SLC48A1: variants seen among roughly 807,000 people sequenced by gnomAD.
The protein encoded by SLC48A1 is heme transporter HRG1.
A neutral mutation model predicts 14.8 loss-of-function variants in SLC48A1; 6 were observed. The ratio of observed to expected loss-of-function variants is 0.41; its 90% confidence interval spans 0.22 to 0.80. The LOEUF (loss-of-function observed/expected upper bound fraction) is 0.80, where lower values mean the gene tolerates loss of function less well. SLC48A1 is among the 30% of genes least tolerant of loss of function. The pLI is 0.34. For missense variants in SLC48A1, 165 were observed against 204.8 expected, an observed-to-expected ratio of 0.81 and a Z score of 1.19; for synonymous variants, 89 against 90.0, an observed-to-expected ratio of 0.99 and a Z score of 0.06.
At chr12:47,760,352 A>G in exon 2 of SLC48A1, 1 of 985,488 alleles carries the variant, frequency 1.0e-6, no homozygotes, top group African/African-American at 1.7e-5. Context: ...TGGAAGAAGG[A>G]AGAGCAACCT....
chr12:47,759,385 C>G (rs1023442050), intron 1 of SLC48A1, among the ~76,000 whole-genome samples: 1 of 152,220 alleles, frequency 6.6e-6, no homozygotes, highest in Non-Finnish European at 1.5e-5. Context: ...CCCACAGTTC[C>G]GTTCCCAGAC....
chr12:47,774,281 C>T (rs894800964), intron 1 of SLC48A1, among the ~76,000 whole-genome samples: 3 of 152,248 alleles, frequency 2.0e-5, no homozygotes, highest in Non-Finnish European at 4.4e-5. Flanking sequence ...ATTATCTCTA[C>T]TTTCTAACAT....
chr12:47,767,688 C>T (rs1033403759), upstream of SLC48A1, among the ~76,000 whole-genome samples: 5 of 152,178 alleles, frequency 3.3e-5, no homozygotes, highest in African/African-American at 1.2e-4. Flanking sequence ...AGCGAGGAAT[C>T]CTCTGAGGAG....
chr12:47,757,935 C>T (rs1207077835), upstream of SLC48A1: 3 of 1,557,190 alleles, frequency 1.9e-6, no homozygotes, highest in Non-Finnish European at 2.6e-6. Flanking sequence ...AGCTTCGGGG[C>T]CGGTGCATCC....
At position 47,765,160 on chromosome 12, in the gene SLC48A1, A is replaced by G. The variant is rs528481949; in HGVS notation, c.-187+4759A>G. On this transcript the variant is annotated intron_variant, in intron 2 of 4. Coordinates refer to the SLC48A1 transcript ENST00000547002. ...AGAGGGTCTGGAGAGAGAAACAGAA[A>G]AGTGGGATCCAGAGAGAGAAACAGA... 1.9e-3 allele frequency among the ~76,000 whole-genome samples: 286 copies of G among 150,930 alleles called. 3 individuals carry two copies. Among genetic ancestry groups the G allele is most frequent in the Non-Finnish European group, 2.8e-3 (188 of 67,756 alleles).
At chr12:47,759,451 CTG>C (rs905153661) in intron 1 of SLC48A1, among the ~76,000 whole-genome samples, 5 of 63,826 alleles carry the variant, frequency 7.8e-5, no homozygotes, top group Admixed American at 2.6e-4. Flanking sequence ...GTTGAGGAAA[CTG>C]AGGCTGGAGA....
At chr12:47,758,460 AC>A, upstream of SLC48A1, 1 of 1,583,084 alleles carries the variant, frequency 6.3e-7, no homozygotes, top group Admixed American at 1.7e-5. Flanking sequence ...GCCCTGACTA[AC>A]CCTCCCTCTC....
upstream of SLC48A1, among the ~76,000 whole-genome samples, chr12:47,770,057 T>G (rs917077096): frequency 2.0e-5 from 3 of 152,216 alleles, no homozygotes; most frequent in Non-Finnish European, 2.9e-5. Context: ...CATCTGTGAG[T>G]TAGGGGCACT....
In SLC48A1 at chr12:47,781,194, A is replaced by C. The variant is rs2136875243; in HGVS notation, c.*913A>C. The C allele has an allele frequency of 3.8e-6, 1 of 262,836 alleles. No individual in the cohort carries two copies. The highest frequency in any genetic ancestry group is 1.2e-4 in the East Asian group (1 of 8,122). The allele number at this position is 262,836 out of a possible 1,614,324, so 16.3% of individuals were successfully genotyped here. On this transcript the variant is annotated 3_prime_UTR_variant, in exon 3 of 3. Coordinates refer to ENST00000442218, the MANE Select transcript of SLC48A1 (RefSeq NM_017842.3). ...ACACACACAGGCATCCATACACCCCAGAAGACTTCCCAAATGAGGCCAGAC... is the reference window on the plus strand; with the variant it reads ...ACACACACAGGCATCCATACACCCCCGAAGACTTCCCAAATGAGGCCAGAC...
rs949134320 is a variant in SLC48A1, at chr12:47,773,253, A to T, written c.-52A>T. On this transcript the variant is annotated 5_prime_UTR_variant, in exon 1 of 3. Coordinates refer to ENST00000442218, the MANE Select transcript of SLC48A1 (RefSeq NM_017842.3). The stretch of plus-strand genomic sequence containing the variant: ...TCCGGCTGGCGGCTTCGGGCCCTGC[A>T]CCTGTGACTCTCGGCCGCGCTCGCC... 7.9e-7 allele frequency: 1 copy of T among 1,273,232 alleles called. No individual in the cohort carries two copies. The allele number at this position is 1,273,232 out of a possible 1,614,324, so 78.9% of individuals were successfully genotyped here. A position where few individuals can be genotyped will look rare whatever the true frequency, so the allele number is the denominator to read the frequency against.
chr12:47,773,338 GC>G lies in SLC48A1; in HGVS notation c.36del (p.Ala13ProfsTer42), dbSNP rs1432347266. The G allele has an allele frequency of 6.8e-7, 1 of 1,472,782 alleles. No homozygotes were observed. 91.2% of individuals were successfully genotyped at this position (1,472,782 alleles called of 1,614,324 possible). On this transcript the variant is annotated frameshift_variant, in exon 1 of 3. Coordinates refer to ENST00000442218, the MANE Select transcript of SLC48A1 (RefSeq NM_017842.3). LOFTEE classifies it high-confidence loss of function. ...GTCCAGGCTGCAGCTCGGCCTCCGCGCCGCCTACTCCGGCATCAGCTCCGTG... is the reference window on the plus strand; with the variant it reads ...GTCCAGGCTGCAGCTCGGCCTCCGCGCGCCTACTCCGGCATCAGCTCCGTG... ...APSRLQLGLR[A>X]AYSGISSVAG...
chr12:47,780,368 C>T lies in SLC48A1; in HGVS notation c.*87C>T. 1 of 1,592,680 alleles carries T rather than the reference C, an allele frequency of 6.3e-7. No homozygotes were observed. Among genetic ancestry groups the T allele is most frequent in the Non-Finnish European group, 8.6e-7 (1 of 1,160,854 alleles). ...TGTTGGGAGAGGCTACTCCCACCCC[C>T]TGGTGACCCCAGAACTGTGGCAGAA... On this transcript the variant is annotated 3_prime_UTR_variant, in exon 3 of 3. Coordinates refer to ENST00000442218, the MANE Select transcript of SLC48A1 (RefSeq NM_017842.3).
chr12:47,770,903 C>T (rs971869215), upstream of SLC48A1: 2 of 456,696 alleles, frequency 4.4e-6, no homozygotes, highest in Non-Finnish European at 8.8e-6. Context: ...CGCCATCACA[C>T]GTGCGGTTCC....
rs1299419353 is a variant in SLC48A1, at chr12:47,777,602, C to T, written c.137-1426C>T. Reference sequence around the variant, plus strand: ...CTGTCTGGGGACAGCCAAACTGGGACAGCCTCTGAGCTGGTAACCAGAGCA... The same window carrying T: ...CTGTCTGGGGACAGCCAAACTGGGATAGCCTCTGAGCTGGTAACCAGAGCA... On this transcript the variant is annotated intron_variant, in intron 1 of 2. Transcript: ENST00000442218. The surrounding 1 kb of genome is among the most constrained non-coding windows in gnomAD (Gnocchi z 4.5). 6.6e-6 allele frequency among the ~76,000 whole-genome samples: 1 copy of T among 152,214 alleles called. No individual in the cohort carries two copies. Among genetic ancestry groups the T allele is most frequent in the Non-Finnish European group, 1.5e-5 (1 of 68,038 alleles).
intron 1 of SLC48A1, among the ~76,000 whole-genome samples, chr12:47,773,739 C>T (rs1046780227): frequency 2.0e-5 from 3 of 152,214 alleles, no homozygotes; most frequent in East Asian, 1.9e-4. Context: ...CTGCCTGTCG[C>T]CCTCCGCCCA....
upstream of SLC48A1, among the ~76,000 whole-genome samples, chr12:47,768,257 G>A (rs151148939): frequency 2.5e-3 from 375 of 152,308 alleles, 3 homozygotes; most frequent in Non-Finnish European, 2.6e-3. Context: ...GATTACAGCC[G>A]TGAACCACTG....
intron 1 of SLC48A1, chr12:47,760,077 T>A: frequency 2.4e-6 from 1 of 413,464 alleles, no homozygotes; most frequent in African/African-American, 2.2e-5. Flanking sequence ...TAATTGTGAT[T>A]AAAATCCCAT....
At chr12:47,762,943 T>C (rs1942419622) in intron 2 of SLC48A1, among the ~76,000 whole-genome samples, 2 of 152,230 alleles carry the variant, frequency 1.3e-5, no homozygotes. Flanking sequence ...CAGCAGACAC[T>C]GTCCCAAATC....
intron 2 of SLC48A1, among the ~76,000 whole-genome samples, chr12:47,761,618 C>A (rs934486449): frequency 6.6e-6 from 1 of 152,172 alleles, no homozygotes; most frequent in African/African-American, 2.4e-5. Flanking sequence ...AAGGCTGAGG[C>A]CTAGAAGGGG....
Sources: gnomAD v4.1 joint callset for allele counts (sites outside exome capture counted in the v4.1 genomes callset) on GRCh38, gnomAD v4.1.1 for gene constraint, Gnocchi (gnomAD v3.1) non-coding constraint, MANE v1.5 for transcripts, NCBI Gene and HGNC (gene_info 2026-07-23, HGNC 2026-07-21) for gene names.